KCNJ10: variants seen among roughly 807,000 people sequenced by gnomAD.
KCNJ10 encodes ATP-sensitive inward rectifier potassium channel 10.
Under a neutral mutation model 22.2 loss-of-function variants are expected in KCNJ10, and 9 were observed. The observed-to-expected ratio is 0.40, with a 90% confidence interval of 0.24 to 0.71. The LOEUF is 0.71. Ranked by LOEUF, KCNJ10 falls within the 30% of genes least tolerant of loss-of-function variation. The probability of loss-of-function intolerance (pLI) is 0.35; values close to 1 mark genes in which losing one functional copy is unlikely to be tolerated. For synonymous variants in KCNJ10, 184 were observed against 187.3 expected (o/e 0.98, Z 0.15); for missense variants, 337 against 482.7 (o/e 0.70, Z 2.83).
At chr1:160,068,498 C>A (rs573812320) in intron 1 of KCNJ10, among the ~76,000 whole-genome samples, 31 of 152,288 alleles carry the variant, frequency 2.0e-4, no homozygotes, top group African/African-American at 5.5e-4. Context: ...CACCAAAGGA[C>A]TGGGGGAAGG....
At chr1:160,045,070 A>C (rs1339280214) in intron 1 of KCNJ10, among the ~76,000 whole-genome samples, 3 of 152,244 alleles carry the variant, frequency 2.0e-5, no homozygotes, top group African/African-American at 7.2e-5. Context: ...GACAAATCGA[A>C]GAAGTGCAAC....
intron 1 of KCNJ10, among the ~76,000 whole-genome samples, chr1:160,061,330 A>G (rs947507632): frequency 4.6e-5 from 7 of 152,270 alleles, no homozygotes; most frequent in Admixed American, 2.0e-4. Flanking sequence ...TAACTGTTCC[A>G]TCTACCTCCC....
intron 1 of KCNJ10, among the ~76,000 whole-genome samples, chr1:160,049,604 A>G (rs950631878): frequency 3.4e-5 from 5 of 146,466 alleles, no homozygotes; most frequent in Non-Finnish European, 7.5e-5. Flanking sequence ...CACCGCTCTT[A>G]GTACATGGTG....
Position 160,054,285 on chromosome 1 carries a change from G to A in KCNJ10, c.1-11753C>T, listed in dbSNP as rs1274082766. The stretch of plus-strand genomic sequence containing the variant: ...GGCTCAACAGGAGCTGGTCCTTTGT[G>A]AGGAGCTTGGCACTAGGCAGGGTTC... On this transcript the variant is annotated intron_variant, in intron 1 of 1. Transcript: ENST00000644903. 2.0e-5 allele frequency among the ~76,000 whole-genome samples: 3 copies of A among 152,160 alleles called. No homozygotes were observed. In the South Asian group the frequency reaches 6.2e-4, roughly 32 times the overall value.
In KCNJ10 at chr1:160,042,425, G is replaced by A; in HGVS notation, c.108C>T (p.Arg36=). 2 of 1,614,222 alleles carry A rather than the reference G, an allele frequency of 1.2e-6. No homozygotes were observed. Among genetic ancestry groups the A allele is most frequent in the African/African-American group, 1.3e-5 (1 of 75,034 alleles). ...CAATGTGCTCCATTCTCACGTTGCT[G>A]CGACCATCTTTTGTCAGGACTCTCC... The part of the protein sequence containing the change: ...RRRRVLTKDG[R]SNVRMEHIAD... The change falls in exon 2 of 2, where the codon CGC becomes CGT. Residue 36 remains arginine, a synonymous_variant. Transcript: ENST00000644903.
intron 1 of KCNJ10, among the ~76,000 whole-genome samples, chr1:160,049,675 T>TTATATATATA (rs57790887): frequency 3.0e-4 from 14 of 47,110 alleles, no homozygotes; most frequent in East Asian, 8.2e-4. Context: ...TTTTATTTAT[T>TTATATATATA]TATATATATA....
At position 160,039,629 on chromosome 1, in the gene KCNJ10, A is replaced by C. The variant is rs2486253; in HGVS notation, c.*1764T>G. On this transcript the variant is annotated 3_prime_UTR_variant, in exon 2 of 2. Coordinates refer to ENST00000644903, the MANE Select transcript of KCNJ10 (RefSeq NM_002241.5). ...CGAAGGGTCTTTGTTTTCAAGATAT[A>C]GTTAGTTGAGTTCGAGGAGAGATCA... is the stretch of plus-strand genomic sequence containing the variant. The C allele has an allele frequency of 0.82, 124,578 of 152,136 alleles. 51,109 individuals carry two copies. Among genetic ancestry groups the C allele is most frequent in the East Asian group, 0.96 (4,973 of 5,174 alleles). 9.4% of individuals were successfully genotyped at this position (152,136 alleles called of 1,614,324 possible).
chr1:160,054,702 C>T (rs1648981954), intron 1 of KCNJ10, among the ~76,000 whole-genome samples: 1 of 152,230 alleles, frequency 6.6e-6, no homozygotes, highest in Non-Finnish European at 1.5e-5. Context: ...TCCAATCAGT[C>T]ATCACCTGGC....
chr1:160,069,312 G>A (rs959239448), intron 1 of KCNJ10, among the ~76,000 whole-genome samples: 4 of 152,192 alleles, frequency 2.6e-5, no homozygotes, highest in Admixed American at 2.6e-4. Flanking sequence ...GGGAAGGGGC[G>A]TCTCCATCTG....
chr1:160,064,567 A>G (rs1468801794), intron 1 of KCNJ10, among the ~76,000 whole-genome samples: 3 of 152,244 alleles, frequency 2.0e-5, no homozygotes, highest in African/African-American at 4.8e-5. Flanking sequence ...TTTCTAACAC[A>G]GTAAATGTTC....
At chr1:160,049,720 T>TATATATATATAA (rs1201390198) in intron 1 of KCNJ10, among the ~76,000 whole-genome samples, 4 of 122,932 alleles carry the variant, frequency 3.3e-5, no homozygotes, top group African/African-American at 1.3e-4. Context: ...TATATATATA[T>TATATATATATAA]GTTATCCTAA....
At chr1:160,049,844 T>A (rs1410630826) in intron 1 of KCNJ10, among the ~76,000 whole-genome samples, 2 of 150,960 alleles carry the variant, frequency 1.3e-5, no homozygotes, top group East Asian at 3.9e-4. Context: ...TCTAACTGAC[T>A]CCATCATCAT....
At chr1:160,069,249 T>C (rs148575349) in intron 1 of KCNJ10, among the ~76,000 whole-genome samples, 2 of 152,362 alleles carry the variant, frequency 1.3e-5, no homozygotes, top group East Asian at 3.9e-4. Context: ...ATCCTTCATC[T>C]GTTCCCTAAC....
chr1:160,040,025 G>A lies in KCNJ10; in HGVS notation c.*1368C>T, dbSNP rs73021683. ...GTCTGAAAATGGCCTCATGGCAGAG[G>A]AGAGTAGAGATGACACTGATTTCTT... On this transcript the variant is annotated 3_prime_UTR_variant, in exon 2 of 2. Transcript: ENST00000644903. 0.01 allele frequency: 1,564 copies of A among 152,592 alleles called. 16 individuals are homozygous for A. Among genetic ancestry groups the A allele is most frequent in the South Asian group, 0.064 (309 of 4,816 alleles). The allele number at this position is 152,592 out of a possible 1,614,324, so 9.5% of individuals were successfully genotyped here. A position where few individuals can be genotyped will look rare whatever the true frequency, so the allele number is the denominator to read the frequency against.
chr1:160,042,586 C>G, intron 1 of KCNJ10, 54 bp from the exon 2 acceptor site: 1 of 1,473,700 alleles, frequency 6.8e-7, no homozygotes, highest in Admixed American at 1.7e-5. Context: ...CAGCTGACTC[C>G]TAACCCTCAC....
intron 1 of KCNJ10, among the ~76,000 whole-genome samples, chr1:160,050,088 C>T (rs1166681685): frequency 6.6e-6 from 1 of 151,986 alleles, no homozygotes; most frequent in East Asian, 1.9e-4. Flanking sequence ...TAATGTTGCC[C>T]ACCACATTCA....
intron 1 of KCNJ10, among the ~76,000 whole-genome samples, chr1:160,060,953 G>A (rs35902780): frequency 0.23 from 34,391 of 152,060 alleles, 4,289 homozygotes; most frequent in South Asian, 0.38. Context: ...GAGTGGGGCC[G>A]GTAGGAGGGT....
At chr1:160,048,113 T>G (rs1484762824) in intron 1 of KCNJ10, among the ~76,000 whole-genome samples, 1 of 152,276 alleles carries the variant, frequency 6.6e-6, no homozygotes, top group African/African-American at 2.4e-5. Context: ...TTACCATCTT[T>G]GTGCTCCTAA....
At position 160,037,585 on chromosome 1, in the gene KCNJ10, A is replaced by G. The variant is rs1278008748; in HGVS notation, c.*3808T>C. 1 of 152,214 alleles carries G rather than the reference A, an allele frequency of 6.6e-6. No homozygotes were observed. Among genetic ancestry groups the G allele is most frequent in the Non-Finnish European group, 1.5e-5 (1 of 68,040 alleles). 9.4% of individuals were successfully genotyped at this position (152,214 alleles called of 1,614,324 possible). A position where few individuals can be genotyped will look rare whatever the true frequency, so the allele number is the denominator to read the frequency against. Reference sequence around the variant, plus strand: ...TTTGACCTGGTTTAGTCTTTAGTGCAATGAATGGAAAAAACATCCCTAAAT... The same window carrying G: ...TTTGACCTGGTTTAGTCTTTAGTGCGATGAATGGAAAAAACATCCCTAAAT... On this transcript the variant is annotated 3_prime_UTR_variant, in exon 2 of 2. Transcript: ENST00000644903.
Sources: gnomAD v4.1 joint callset for allele counts (sites outside exome capture counted in the v4.1 genomes callset) on GRCh38, gnomAD v4.1.1 for gene constraint, MANE v1.5 for transcripts, NCBI Gene and HGNC (gene_info 2026-07-23, HGNC 2026-07-21) for gene names.